CDH4: variants seen among roughly 807,000 people sequenced by gnomAD.
CDH4 encodes the protein cadherin 4.
A neutral mutation model predicts 86.0 loss-of-function variants in CDH4; 33 were observed. The ratio of observed to expected loss-of-function variants is 0.38; its 90% CI spans 0.29 to 0.51. CDH4 has a LOEUF of 0.51. Ranked by LOEUF, CDH4 falls within the 20% of genes least tolerant of loss-of-function variation. The probability of loss-of-function intolerance (pLI) is 0.86; values close to 1 mark genes in which losing one functional copy is unlikely to be tolerated. For missense variants in CDH4, 1,114 were observed against 1,307.4 expected (o/e 0.85, Z 2.28); for synonymous variants, 555 against 549.4 (o/e 1.01, Z -0.14).
At chr20:61,683,726 G>A (rs1396182133) in intron 2 of CDH4, among the ~76,000 whole-genome samples, 1 of 152,250 alleles carries the variant, frequency 6.6e-6, no homozygotes, top group African/African-American at 2.4e-5. Context: ...TTCTGTAGAA[G>A]ACTCTTCCTG....
chr20:61,331,303 C>T (rs1031016672), intron 2 of CDH4, among the ~76,000 whole-genome samples: 1 of 152,072 alleles, frequency 6.6e-6, no homozygotes, highest in African/African-American at 2.4e-5. Context: ...TGAGTCCTCC[C>T]CATGGTGGTC....
intron 2 of CDH4, among the ~76,000 whole-genome samples, chr20:61,316,430 G>A (rs186988128): frequency 6.6e-6 from 1 of 152,304 alleles, no homozygotes; most frequent in African/African-American, 2.4e-5. Context: ...AAGTTCAGGC[G>A]GCAGAACAAA....
Position 61,936,834 on chromosome 20 carries a change from G to A in CDH4, c.2642G>A (p.Ser881Asn). 6.2e-7 allele frequency: 1 copy of A among 1,610,804 alleles called. No individual in the cohort carries two copies. The highest frequency in any genetic ancestry group is 2.3e-5 in the East Asian group (1 of 44,444). The change falls in exon 16 of 16, where the codon AGC (serine) becomes AAC (asparagine). Residue 881 changes from serine (S) to asparagine (N), a missense_variant. This residue lies in a region of CDH4 where 188 missense variants were observed against 183.8 expected (regional missense o/e 1.02). Transcript: ENST00000614565. ...AGCGGCTCCACCGCAGGCTCCGTCA[G>A]CTCCCTGAACTCATCCAGTTCCGGG... ...EGSGSTAGSV[S>N]SLNSSSSGDQ...
rs561446810 is a variant in CDH4, at chr20:61,343,738, G to T, written c.169+88801G>T. On this transcript the variant is annotated intron_variant, in intron 2 of 15. Coordinates refer to ENST00000614565, the MANE Select transcript of CDH4 (RefSeq NM_001794.5). ...ATGTTAGGTGCTCTTCTAGTACCAT[G>T]TGACTTTGCTTTAGAGCACTTTTCC... 2.0e-5 allele frequency among the ~76,000 whole-genome samples: 3 copies of T among 152,282 alleles called. No homozygotes were observed. The South Asian group carries it at 6.2e-4, about 32-fold the overall frequency.
chr20:61,613,611 A>C (rs1048473452), intron 2 of CDH4, among the ~76,000 whole-genome samples: 3 of 151,588 alleles, frequency 2.0e-5, no homozygotes, highest in African/African-American at 7.3e-5. Context: ...AAAAAAAAAA[A>C]AGATCTAGTG....
intron 2 of CDH4, among the ~76,000 whole-genome samples, chr20:61,398,142 A>C (rs562279305): frequency 6.6e-6 from 1 of 152,364 alleles, no homozygotes; most frequent in Non-Finnish European, 1.5e-5. Context: ...ATGAGCATTC[A>C]AGCGTATCAG....
At position 61,623,275 on chromosome 20, in the gene CDH4, T is replaced by G. The variant is rs2086795450; in HGVS notation, c.170-120288T>G. Among the ~76,000 whole-genome samples, 1 of 152,116 alleles carries G rather than the reference T, an allele frequency of 6.6e-6. No individual in the cohort carries two copies. The highest frequency in any genetic ancestry group is 6.5e-5 in the Admixed American group (1 of 15,272). On this transcript the variant is annotated intron_variant, in intron 2 of 15. Transcript: ENST00000614565. This position sits in a 1 kb window ranked among gnomAD's most constrained non-coding sequence, Gnocchi z 4.4. ...GCGGCGCCTGCTTTTTCCTTGAGCA[T>G]CTGGGACGTCTGTCATCAGCAGACA...
intron 2 of CDH4, among the ~76,000 whole-genome samples, chr20:61,260,811 CTT>C (rs144477840): frequency 1.3e-3 from 205 of 152,286 alleles, no homozygotes; most frequent in African/African-American, 4.6e-3. Context: ...GCTTTTCCCT[CTT>C]ATAGTTTTGT....
At chr20:61,596,320 T>C (rs2086557010) in intron 2 of CDH4, among the ~76,000 whole-genome samples, 1 of 152,218 alleles carries the variant, frequency 6.6e-6, no homozygotes. Flanking sequence ...AATTGGTGGC[T>C]GCCCAGGGCA....
chr20:61,342,252 C>T (rs140038518), intron 2 of CDH4, among the ~76,000 whole-genome samples: 7 of 152,262 alleles, frequency 4.6e-5, no homozygotes, highest in South Asian at 2.1e-4. Context: ...ATGATTCAAG[C>T]GCTTTACATT....
intron 3 of CDH4, among the ~76,000 whole-genome samples, chr20:61,768,120 C>T (rs1281998496): frequency 1.3e-5 from 2 of 152,100 alleles, no homozygotes; most frequent in East Asian, 1.9e-4. Context: ...TGTCAGGATG[C>T]GGGGAGTGGG....
chr20:61,819,768 C>T (rs747938746), intron 4 of CDH4, among the ~76,000 whole-genome samples: 4 of 152,126 alleles, frequency 2.6e-5, no homozygotes, highest in South Asian at 2.1e-4. Flanking sequence ...TTGTGAACTT[C>T]GAGGAGGAAA....
chr20:61,920,138 CGTGGTTTT>C (rs1414888275), intron 9 of CDH4, among the ~76,000 whole-genome samples: 3 of 26,250 alleles, frequency 1.1e-4, no homozygotes, highest in African/African-American at 1.5e-4. Flanking sequence ...TGCGTGGAAG[CGTGGTTTT>C]GTGATTGCAT....
intron 2 of CDH4, among the ~76,000 whole-genome samples, chr20:61,445,221 T>C (rs1159067600): frequency 2.0e-5 from 3 of 152,090 alleles, no homozygotes; most frequent in African/African-American, 7.2e-5. Flanking sequence ...CTGGAATCAA[T>C]GGAGCTGGGG....
At chr20:61,368,737 G>T (rs1242005272) in intron 2 of CDH4, among the ~76,000 whole-genome samples, 1 of 151,826 alleles carries the variant, frequency 6.6e-6, no homozygotes, top group East Asian at 2.0e-4. Flanking sequence ...GGCTGGTCTT[G>T]AACTCCTGGC....
At chr20:61,575,407 T>C (rs1057145096) in intron 2 of CDH4, among the ~76,000 whole-genome samples, 3 of 152,232 alleles carry the variant, frequency 2.0e-5, no homozygotes, top group Admixed American at 6.5e-5. Context: ...CAAAGGTTCT[T>C]CCTGTCAGAT....
intron 4 of CDH4, among the ~76,000 whole-genome samples, chr20:61,783,636 CTAGTT>C: frequency 7.0e-6 from 1 of 143,842 alleles, no homozygotes; most frequent in African/African-American, 2.6e-5. Flanking sequence ...GAATATAAGC[CTAGTT>C]CCTCGGGACA....
chr20:61,457,253 C>T (rs1331110081), intron 2 of CDH4, among the ~76,000 whole-genome samples: 1 of 152,180 alleles, frequency 6.6e-6, no homozygotes, highest in Non-Finnish European at 1.5e-5. Flanking sequence ...CCAACATCCC[C>T]AGTCACTTTC....
intron 2 of CDH4, among the ~76,000 whole-genome samples, chr20:61,702,817 T>A (rs1042258060): frequency 2.6e-5 from 4 of 152,242 alleles, no homozygotes; most frequent in Non-Finnish European, 1.5e-5. Flanking sequence ...GATTTTGCAA[T>A]TAATCTGCTG....
Sources: gnomAD v4.1 joint callset for allele counts (sites outside exome capture counted in the v4.1 genomes callset) on GRCh38, gnomAD v4.1.1 for gene constraint, gnomAD v4.1.1 regional missense constraint, Gnocchi (gnomAD v3.1) non-coding constraint, MANE v1.5 for transcripts, NCBI Gene and HGNC (gene_info 2026-07-23, HGNC 2026-07-21) for gene names.